RASA3: variants seen among roughly 807,000 people sequenced by gnomAD.
The protein encoded by RASA3 is RAS p21 protein activator 3.
RASA3 carries 73 observed loss-of-function variants against 110.0 expected under a neutral mutation model. The ratio of observed to expected loss-of-function variants is 0.66; its 90% CI spans 0.55 to 0.81. The LOEUF is 0.81. Among genes scored for constraint, RASA3 ranks in the 30% least tolerant of loss-of-function variants. RASA3 has a pLI of 0.00. For missense variants in RASA3, 976 were observed against 1,113.2 expected, an observed-to-expected ratio of 0.88 and a Z score of 1.75; for synonymous variants, 500 against 451.4, an observed-to-expected ratio of 1.11 and a Z score of -1.37.
At chr13:113,999,497 G>T in intron 20 of RASA3, 88 bp downstream of exon 20, 1 of 1,073,830 alleles carries the variant, frequency 9.3e-7, no homozygotes, top group Non-Finnish European at 1.4e-6. Flanking sequence ...GTGGGGAAGG[G>T]TGAGCCCAGG....
chr13:114,110,581 C>G (rs924760094), intron 1 of RASA3, among the ~76,000 whole-genome samples: 1 of 152,192 alleles, frequency 6.6e-6, no homozygotes, highest in Non-Finnish European at 1.5e-5. Flanking sequence ...GCAGCTGTGG[C>G]CCAGCGTGAG....
intron 2 of RASA3, among the ~76,000 whole-genome samples, chr13:114,060,647 G>C (rs534784484): frequency 9.2e-5 from 14 of 152,250 alleles, no homozygotes; most frequent in African/African-American, 3.4e-4. Context: ...GCCCCGTTCC[G>C]CTCTGCTTCC....
In RASA3 at chr13:114,021,613, GC is replaced by G. The variant is rs962027041; in HGVS notation, c.681-106del. Reference sequence around the variant, plus strand: ...CCCCAGGAGCAGAATGGAGCCTGCAGCGCCTCCCAGAGTCTCCATCAAGGCT... The same window carrying G: ...CCCCAGGAGCAGAATGGAGCCTGCAGGCCTCCCAGAGTCTCCATCAAGGCT... On this transcript the variant is annotated intron_variant, in intron 8 of 23. Coordinates refer to ENST00000334062, the MANE Select transcript of RASA3 (RefSeq NM_007368.4). 556 of 863,174 alleles carry G rather than the reference GC, an allele frequency of 6.4e-4. 1 individual carries two copies. Among genetic ancestry groups the G allele is most frequent in the Middle Eastern group, 3.8e-3 (13 of 3,420 alleles). The allele number at this position is 863,174 out of a possible 1,614,324, so 53.5% of individuals were successfully genotyped here.
Position 114,056,552 on chromosome 13 carries a change from G to A in RASA3, c.174-4397C>T. 1 of 985,058 alleles carries A rather than the reference G, an allele frequency of 1.0e-6. No individual in the cohort carries two copies. The highest frequency in any genetic ancestry group is 1.2e-6 in the Non-Finnish European group (1 of 829,878). The allele number at this position is 985,058 out of a possible 1,614,324, so 61.0% of individuals were successfully genotyped here. A position where few individuals can be genotyped will look rare whatever the true frequency, so the allele number is the denominator to read the frequency against. On this transcript the variant is annotated intron_variant, in intron 2 of 23. Coordinates refer to ENST00000334062, the MANE Select transcript of RASA3 (RefSeq NM_007368.4). This position sits in a 1 kb window ranked among gnomAD's most constrained non-coding sequence, Gnocchi z 5.7. ...CTCTGCCAAAGGCTCTGCACAAGTGGCTCCTCTCTCTGTAACTCTGCTTGG... is the reference window on the plus strand; with the variant it reads ...CTCTGCCAAAGGCTCTGCACAAGTGACTCCTCTCTCTGTAACTCTGCTTGG...
chr13:114,022,644 C>T (rs1305074079), intron 8 of RASA3, among the ~76,000 whole-genome samples: 1 of 152,172 alleles, frequency 6.6e-6, no homozygotes, highest in African/African-American at 2.4e-5. Context: ...ACCCACAGCG[C>T]GTTCCTTTCA....
chr13:114,003,825 G>T (rs934920660), intron 18 of RASA3, among the ~76,000 whole-genome samples: 12 of 152,220 alleles, frequency 7.9e-5, no homozygotes, highest in Admixed American at 7.2e-4. Flanking sequence ...TGTGAGGTCC[G>T]GCTCCAGGCA....
intron 2 of RASA3, among the ~76,000 whole-genome samples, chr13:114,071,576 C>G (rs1310265397): frequency 6.6e-6 from 1 of 152,228 alleles, no homozygotes; most frequent in Non-Finnish European, 1.5e-5. Context: ...AGAAGAATGG[C>G]TGTGCCCAGT....
chr13:114,027,280 G>A (rs538176860), intron 7 of RASA3, 109 bp downstream of exon 7: 6 of 1,017,410 alleles, frequency 5.9e-6, no homozygotes, highest in South Asian at 1.5e-5. Flanking sequence ...CTCCTCTCCG[G>A]AAGGAACTTC....
At chr13:114,060,041 G>T (rs192387001) in intron 2 of RASA3, among the ~76,000 whole-genome samples, 16 of 152,372 alleles carry the variant, frequency 1.1e-4, no homozygotes, top group Admixed American at 8.5e-4. Context: ...GAGGAGACCC[G>T]CAGGAGGACA....
At chr13:114,009,275 T>C in intron 17 of RASA3, 112 bp downstream of exon 17, 1 of 906,290 alleles carries the variant, frequency 1.1e-6, no homozygotes, top group Non-Finnish European at 1.8e-6. Flanking sequence ...CTTTATTGTT[T>C]AAAATCGCTA....
intron 2 of RASA3, among the ~76,000 whole-genome samples, chr13:114,068,653 C>T (rs1167564559): frequency 2.6e-5 from 4 of 152,052 alleles, no homozygotes; most frequent in Non-Finnish European, 5.9e-5. Flanking sequence ...TTCCCAAGCC[C>T]CAGCCCTGCC....
At position 114,027,926 on chromosome 13, in the gene RASA3, T is replaced by C. The variant is rs746841443; in HGVS notation, c.451A>G (p.Ile151Val). Residue 151 changes from isoleucine to valine, a missense_variant and splice_region_variant, in exon 6 of 24, where the codon ATC (isoleucine) becomes GTC (valine). This residue lies in a region of RASA3 where 732 missense variants were observed against 779.7 expected (regional missense o/e 0.94). Transcript: ENST00000334062. ...GVVCHKLATR[I>V]VECQGLPIVN... ...ATGGGGAGGCCCTGGCACTCGACGATGCTGAGGAGAGAAGCAGAGGCGGCG... is the reference window on the plus strand; with the variant it reads ...ATGGGGAGGCCCTGGCACTCGACGACGCTGAGGAGAGAAGCAGAGGCGGCG... The C allele has an allele frequency of 1.4e-5, 22 of 1,611,266 alleles. No individual in the cohort carries two copies. The South Asian group carries it at 2.3e-4, about 17-fold the overall frequency.
intron 1 of RASA3, among the ~76,000 whole-genome samples, chr13:114,117,090 GATGCATGTGTGTGAGGA>G (rs2080292034): frequency 7.1e-6 from 1 of 141,090 alleles, no homozygotes; most frequent in African/African-American, 2.7e-5. Flanking sequence ...GTGTGTGAGG[GATGCATGTGTGTGAGGA>G]GAGCACGTGT....
chr13:114,002,216 C>T (rs1338060641), intron 18 of RASA3, among the ~76,000 whole-genome samples: 2 of 152,178 alleles, frequency 1.3e-5, no homozygotes, highest in African/African-American at 2.4e-5. Context: ...CCTCGACAAG[C>T]GCACTCAGAA....
chr13:114,091,019 A>T (rs1184914238), intron 1 of RASA3, among the ~76,000 whole-genome samples: 4 of 152,230 alleles, frequency 2.6e-5, no homozygotes, highest in Non-Finnish European at 4.4e-5. Context: ...GGAGTCCAAG[A>T]TTAAAAATTA....
intron 9 of RASA3, among the ~76,000 whole-genome samples, chr13:114,019,658 C>T (rs967183048): frequency 6.6e-6 from 1 of 150,690 alleles, no homozygotes; most frequent in Non-Finnish European, 1.5e-5. Flanking sequence ...GTGTCCGAGG[C>T]ATTAGATCCC....
rs1368306601 is a variant in RASA3, at chr13:114,011,254, G to A, written c.1513-6C>T. ...GTCCTGGACGTCTGGGGGTCCTGGG[G>A]AGGCGGGAGCAAGAAAGGTCTATGT... On this transcript the variant is annotated splice_region_variant and splice_polypyrimidine_tract_variant and intron_variant, in intron 15 of 23. Coordinates refer to ENST00000334062, the MANE Select transcript of RASA3 (RefSeq NM_007368.4). This position sits in a 1 kb window ranked among gnomAD's most constrained non-coding sequence, Gnocchi z 4.8. 6.2e-7 allele frequency: 1 copy of A among 1,610,822 alleles called. No individual in the cohort carries two copies. The highest frequency in any genetic ancestry group is 1.1e-5 in the South Asian group (1 of 90,224).
chr13:114,004,447 C>A (rs1218864381), intron 18 of RASA3, among the ~76,000 whole-genome samples: 1 of 151,884 alleles, frequency 6.6e-6, no homozygotes, highest in African/African-American at 2.4e-5. Context: ...GACAAATGGC[C>A]AACAAGCATA....
chr13:114,128,818 G>C (rs570832478), intron 1 of RASA3, among the ~76,000 whole-genome samples: 4 of 152,216 alleles, frequency 2.6e-5, no homozygotes, highest in African/African-American at 9.7e-5. Flanking sequence ...GGGAGCCCAC[G>C]GCAGGCCCGG....
Sources: gnomAD v4.1 joint callset for allele counts (sites outside exome capture counted in the v4.1 genomes callset) on GRCh38, gnomAD v4.1.1 for gene constraint, gnomAD v4.1.1 regional missense constraint, Gnocchi (gnomAD v3.1) non-coding constraint, MANE v1.5 for transcripts, NCBI Gene and HGNC (gene_info 2026-07-23, HGNC 2026-07-21) for gene names.